Variants in LRRFIP1 observed in about 807,000 individuals in gnomAD.
LRRFIP1 encodes the protein LRR binding FLII interacting protein 1, also known as leucine-rich repeat flightless-interacting protein 1.
Under a neutral mutation model 104.4 loss-of-function variants are expected in LRRFIP1, and 62 were observed. That is an observed-to-expected ratio of 0.59 (90% CI 0.48 to 0.73). The LOEUF (loss-of-function observed/expected upper bound fraction) is 0.73. Ranked by LOEUF, LRRFIP1 falls within the 30% of genes least tolerant of loss-of-function variation. The probability of loss-of-function intolerance (pLI) is 0.00; values close to 1 mark genes in which losing one functional copy is unlikely to be tolerated. For missense variants in LRRFIP1, 796 were observed against 824.5 expected, an observed-to-expected ratio of 0.97 and a Z score of 0.42; for synonymous variants, 300 against 299.0, an observed-to-expected ratio of 1.00 and a Z score of -0.03.
At chr2:237,631,504 T>C (rs2082334889) in intron 1 of LRRFIP1, among the ~76,000 whole-genome samples, 1 of 152,260 alleles carries the variant, frequency 6.6e-6, no homozygotes. Flanking sequence ...CACTCTCTTG[T>C]TGCAGTGGAA....
chr2:237,671,918 G>A (rs2090412898), intron 1 of LRRFIP1, among the ~76,000 whole-genome samples: 1 of 149,696 alleles, frequency 6.7e-6, no homozygotes, highest in Non-Finnish European at 1.5e-5. Context: ...TTTAACTGCT[G>A]TAACTAACCC....
At chr2:237,692,627 T>C (rs1005632146) in intron 1 of LRRFIP1, 25 of 1,328,360 alleles carry the variant, frequency 1.9e-5, no homozygotes, top group Non-Finnish European at 2.5e-5. Flanking sequence ...CCGGGAGGCG[T>C]GGGGTGGGCT....
Position 237,760,124 on chromosome 2 carries a change from A to G in LRRFIP1, c.1378A>G (p.Asn460Asp), listed in dbSNP as rs1257702963. ...CAATGGAGAGACTTCCGACACCCTC[A>G]ATAATGTTGGATACCAAGGTCCTAC... is the stretch of plus-strand genomic sequence containing the variant. ...ATNGETSDTL[N>D]NVGYQGPTKM... The change falls in exon 19 of 24, where the codon AAT becomes GAT. Residue 460 changes from asparagine to aspartate, a missense_variant. By Grantham distance (23) the Asn-to-Asp change is conservative. Coordinates refer to ENST00000308482, the MANE Select transcript of LRRFIP1 (RefSeq NM_001137550.2). The G allele has an allele frequency of 1.4e-5, 22 of 1,613,798 alleles. No homozygotes were observed. The highest frequency in any genetic ancestry group is 1.8e-5 in the Non-Finnish European group (21 of 1,179,798).
chr2:237,745,921 G>T (rs1413350197), intron 11 of LRRFIP1, among the ~76,000 whole-genome samples: 1 of 142,552 alleles, frequency 7.0e-6, no homozygotes, highest in African/African-American at 3.0e-5. Context: ...ATTAATATTT[G>T]TTCAGCAAAC....
rs1002267938 is a variant in LRRFIP1, at chr2:237,717,374, C to G, written c.202-388C>G. Among the ~76,000 whole-genome samples the G allele has an allele frequency of 6.6e-6, 1 of 152,230 alleles. No homozygotes were observed. Among genetic ancestry groups the G allele is most frequent in the Non-Finnish European group, 1.5e-5 (1 of 68,042 alleles). The stretch of plus-strand genomic sequence containing the variant: ...GGAATGGCTCTGAGCTTCTGCTTCT[C>G]TTCGATGGTGTTTTATTCCTTCATC... On this transcript the variant is annotated intron_variant, in intron 3 of 23. Coordinates refer to ENST00000308482, the MANE Select transcript of LRRFIP1 (RefSeq NM_001137550.2). The surrounding 1 kb of genome is among the most constrained non-coding windows in gnomAD (Gnocchi z 4.2).
At chr2:237,687,470 G>A (rs1482166385) in intron 1 of LRRFIP1, among the ~76,000 whole-genome samples, 3 of 151,980 alleles carry the variant, frequency 2.0e-5, no homozygotes, top group Admixed American at 6.6e-5. Context: ...TGGGCGTGGT[G>A]GCGCACACCT....
At position 237,764,689 on chromosome 2, in the gene LRRFIP1, G is replaced by T. The variant is rs1470399732; in HGVS notation, c.1459+4484G>T. 5.1e-6 allele frequency: 5 copies of T among 988,346 alleles called. No homozygotes were observed. In the East Asian group the frequency reaches 4.5e-4, roughly 89 times the overall value. The allele number at this position is 988,346 out of a possible 1,614,324, so 61.2% of individuals were successfully genotyped here. A position where few individuals can be genotyped will look rare whatever the true frequency, so the allele number is the denominator to read the frequency against. The stretch of plus-strand genomic sequence containing the variant: ...AATAGGTCACTGAATGATAAGATTT[G>T]CACCTTAGAACAATAATCATTTTAA... On this transcript the variant is annotated intron_variant, in intron 19 of 23. Transcript: ENST00000308482.
Position 237,762,432 on chromosome 2 carries a change from A to G in LRRFIP1, c.1459+2227A>G, listed in dbSNP as rs576558118. On this transcript the variant is annotated intron_variant, in intron 19 of 23. Coordinates refer to ENST00000308482, the MANE Select transcript of LRRFIP1 (RefSeq NM_001137550.2). Reference sequence around the variant, plus strand: ...CACTGACCCAAAATTTACTAATGCAACTGCTGCTTTGCCGCACAGAACTGG... The same window carrying G: ...CACTGACCCAAAATTTACTAATGCAGCTGCTGCTTTGCCGCACAGAACTGG... 1.2e-3 allele frequency among the ~76,000 whole-genome samples: 187 copies of G among 152,264 alleles called. 1 individual carries two copies. The highest frequency in any genetic ancestry group is 3.4e-3 in the Middle Eastern group (1 of 294).
chr2:237,635,947 A>C (rs1321327244), intron 1 of LRRFIP1, among the ~76,000 whole-genome samples: 1 of 152,076 alleles, frequency 6.6e-6, no homozygotes, highest in Non-Finnish European at 1.5e-5. Flanking sequence ...AAATACAAAA[A>C]TTAGCCAAGC....
chr2:237,748,112 G>A (rs765822536), intron 11 of LRRFIP1, among the ~76,000 whole-genome samples: 1 of 152,194 alleles, frequency 6.6e-6, no homozygotes, highest in African/African-American at 2.4e-5. Context: ...GTCCCACTGA[G>A]ACTCCTACCT....
At chr2:237,742,801 G>T (rs571239988) in intron 11 of LRRFIP1, among the ~76,000 whole-genome samples, 1 of 152,244 alleles carries the variant, frequency 6.6e-6, no homozygotes, top group Non-Finnish European at 1.5e-5. Context: ...CTTGGGCAGG[G>T]CCTGGTGTAA....
intron 1 of LRRFIP1, chr2:237,692,033 G>T (rs1285164871): frequency 6.7e-6 from 2 of 297,682 alleles, no homozygotes; most frequent in South Asian, 1.3e-4. Context: ...CCTCCGAGGC[G>T]GAGCGGCGCA....
At chr2:237,635,741 CTTAAGCCCAGGAGT>C (rs2082990090) in intron 1 of LRRFIP1, among the ~76,000 whole-genome samples, 1 of 152,096 alleles carries the variant, frequency 6.6e-6, no homozygotes, top group East Asian at 1.9e-4. Flanking sequence ...AGGAGCATCG[CTTAAGCCCAGGAGT>C]TCAAGACCAG....
At chr2:237,746,631 C>G (rs532373774) in intron 11 of LRRFIP1, among the ~76,000 whole-genome samples, 16 of 152,184 alleles carry the variant, frequency 1.1e-4, no homozygotes, top group Non-Finnish European at 2.2e-4. Flanking sequence ...AAAAATAACT[C>G]TAGATGTGCA....
chr2:237,659,314 T>C (rs2149449248), intron 1 of LRRFIP1, among the ~76,000 whole-genome samples: 1 of 152,018 alleles, frequency 6.6e-6, no homozygotes, highest in Non-Finnish European at 1.5e-5. Flanking sequence ...CAGGCTTGTC[T>C]CAAACTCCTG....
At chr2:237,631,072 G>A (rs1271279552) in intron 1 of LRRFIP1, among the ~76,000 whole-genome samples, 1 of 152,218 alleles carries the variant, frequency 6.6e-6, no homozygotes, top group African/African-American at 2.4e-5. Context: ...ACTCATCCTG[G>A]GACTGGGGAG....
chr2:237,705,442 G>T (rs1559605545), intron 1 of LRRFIP1, among the ~76,000 whole-genome samples: 3 of 152,072 alleles, frequency 2.0e-5, no homozygotes, highest in Admixed American at 1.3e-4. Flanking sequence ...CAGGTGAGTG[G>T]CATGAACCCA....
chr2:237,765,138 C>T (rs11546348), intron 19 of LRRFIP1: 37 of 216,138 alleles, frequency 1.7e-4, no homozygotes, highest in South Asian at 6.6e-4. Context: ...TGGTGGGCGC[C>T]TGTAATCCCA....
intron 7 of LRRFIP1, among the ~76,000 whole-genome samples, chr2:237,725,060 ACTAGT>A (rs1227446533): frequency 2.0e-5 from 3 of 152,210 alleles, no homozygotes; most frequent in African/African-American, 7.2e-5. Flanking sequence ...TAGCATTCGG[ACTAGT>A]CACAAGTTAC....
Sources: allele counts gnomAD v4.1 joint callset (sites outside exome capture counted in the v4.1 genomes callset), GRCh38; gene constraint gnomAD v4.1.1; non-coding constraint Gnocchi (gnomAD v3.1); transcripts MANE v1.5; gene names NCBI Gene and HGNC (gene_info 2026-07-23, HGNC 2026-07-21).